DOCK1: variants seen among roughly 807,000 people sequenced by gnomAD.
DOCK1 encodes dedicator of cytokinesis protein 1.
Under a neutral mutation model 262.7 loss-of-function variants are expected in DOCK1, and 138 were observed. The ratio of observed to expected loss-of-function variants is 0.53; its 90% CI spans 0.46 to 0.61. The LOEUF (loss-of-function observed/expected upper bound fraction) is 0.61, where lower values mean the gene tolerates loss of function less well. Among genes scored for constraint, DOCK1 ranks in the 20% least tolerant of loss-of-function variants. DOCK1 has a pLI of 0.00. For missense variants in DOCK1, 1,908 were observed against 2,370.7 expected (o/e 0.80, Z 4.05); for synonymous variants, 866 against 867.4 (o/e 1.00, Z 0.03).
intron 4 of DOCK1, among the ~76,000 whole-genome samples, chr10:126,983,214 A>G (rs1477126301): frequency 2.0e-5 from 3 of 152,034 alleles, no homozygotes; most frequent in East Asian, 1.9e-4. Context: ...TGTTCTCCAC[A>G]CTGTTTTCCT....
rs145208679 is a variant in DOCK1 at position 127,444,079 on chromosome 10, A to T, written c.5260-47A>T. ...AGGAATTTAGGTGGAAACGCAACTC[A>T]GCCCATAACAGACCGTAACTGTGCT... is the stretch of plus-strand genomic sequence containing the variant. On this transcript the variant is annotated intron_variant, in intron 49 of 51. Coordinates refer to ENST00000623213, the MANE Select transcript of DOCK1 (RefSeq NM_001290223.2). The T allele has an allele frequency of 7.5e-3, 11,574 of 1,545,278 alleles. 53 individuals are homozygous for T. Among genetic ancestry groups the T allele is most frequent in the South Asian group, 9.8e-3 (821 of 83,526 alleles).
chr10:127,319,047 G>C (rs1361631819), intron 29 of DOCK1, among the ~76,000 whole-genome samples: 1 of 152,106 alleles, frequency 6.6e-6, no homozygotes, highest in Non-Finnish European at 1.5e-5. Flanking sequence ...CTGCCTCCTT[G>C]CCTCCTCTCT....
intron 29 of DOCK1, among the ~76,000 whole-genome samples, chr10:127,338,003 A>G (rs990631033): frequency 6.6e-6 from 1 of 152,172 alleles, no homozygotes; most frequent in Non-Finnish European, 1.5e-5. Flanking sequence ...CGGCTGTGAC[A>G]TGGCCAGGGC....
At chr10:127,361,992 T>C in intron 32 of DOCK1, 72 bp from the exon 33 acceptor site, 1 of 1,452,108 alleles carries the variant, frequency 6.9e-7, no homozygotes, top group Non-Finnish European at 9.2e-7. Flanking sequence ...TGTTGTGTTG[T>C]TTTATCCATT....
At chr10:127,424,138 C>A (rs866561970) in intron 46 of DOCK1, among the ~76,000 whole-genome samples, 11 of 152,194 alleles carry the variant, frequency 7.2e-5, no homozygotes, top group Non-Finnish European at 1.5e-5. Context: ...TATCTTCTTT[C>A]ATTTAGAATC....
At chr10:126,998,071 T>G (rs1472677070) in intron 7 of DOCK1, 21 bp from the exon 8 acceptor site, 1 of 1,613,326 alleles carries the variant, frequency 6.2e-7, no homozygotes, top group African/African-American at 1.3e-5. Context: ...GGGTTGACTT[T>G]CTGTTTCCTT....
At chr10:127,243,043 C>T (rs1433937726) in intron 27 of DOCK1, among the ~76,000 whole-genome samples, 2 of 152,118 alleles carry the variant, frequency 1.3e-5, no homozygotes, top group Non-Finnish European at 2.9e-5. Context: ...TCCCAGAGAG[C>T]AAATCTGTGC....
chr10:127,435,877 T>G (rs1346843021), intron 48 of DOCK1, among the ~76,000 whole-genome samples: 1 of 152,236 alleles, frequency 6.6e-6, no homozygotes, highest in Non-Finnish European at 1.5e-5. Context: ...AAGTTCATCC[T>G]GTAGGCAGTT....
At chr10:126,983,343 G>A (rs1013431951) in intron 4 of DOCK1, among the ~76,000 whole-genome samples, 33 of 152,054 alleles carry the variant, frequency 2.2e-4, no homozygotes, top group Admixed American at 2.0e-3. Flanking sequence ...TTTCCTCCAG[G>A]TTGTTGTAGA....
intron 27 of DOCK1, among the ~76,000 whole-genome samples, chr10:127,226,562 G>C (rs1355563518): frequency 6.6e-6 from 1 of 152,014 alleles, no homozygotes; most frequent in African/African-American, 2.4e-5. Context: ...GGCCAAAATG[G>C]TGAAACCCCA....
intron 14 of DOCK1, 102 bp downstream of exon 14, chr10:127,023,426 G>A: frequency 6.9e-7 from 1 of 1,459,476 alleles, no homozygotes; most frequent in Non-Finnish European, 9.2e-7. Flanking sequence ...GTGGGGCTTT[G>A]GAGTCCCGTT....
intron 12 of DOCK1, among the ~76,000 whole-genome samples, chr10:127,017,563 A>G (rs1182086827): frequency 2.0e-5 from 3 of 151,960 alleles, no homozygotes; most frequent in Admixed American, 6.6e-5. Context: ...ACACACATGC[A>G]CAGATACAGA....
chr10:127,199,744 A>G (rs972760283), intron 27 of DOCK1, among the ~76,000 whole-genome samples: 1 of 152,216 alleles, frequency 6.6e-6, no homozygotes, highest in African/African-American at 2.4e-5. Flanking sequence ...TGTCTCCTGC[A>G]CTAGTTGCTT....
chr10:126,957,462 C>T (rs1362262215), intron 1 of DOCK1, among the ~76,000 whole-genome samples: 1 of 152,160 alleles, frequency 6.6e-6, no homozygotes, highest in Non-Finnish European at 1.5e-5. Flanking sequence ...AATGTTCAAT[C>T]CAGCCTTATT....
chr10:127,273,047 A>G (rs141798312), intron 29 of DOCK1, among the ~76,000 whole-genome samples: 1,589 of 152,356 alleles, frequency 0.01, 39 homozygotes, highest in African/African-American at 0.036. Flanking sequence ...GGGTGGGGAC[A>G]CAGCCAAACC....
intron 27 of DOCK1, among the ~76,000 whole-genome samples, chr10:127,155,425 G>C (rs2052945289): frequency 1.3e-5 from 2 of 152,036 alleles, no homozygotes; most frequent in Admixed American, 1.3e-4. Context: ...TCATATTTCA[G>C]CCAGAATTGG....
At chr10:127,408,857 T>C (rs920794705) in intron 40 of DOCK1, among the ~76,000 whole-genome samples, 180 bp from the exon 41 acceptor site, 12 of 151,748 alleles carry the variant, frequency 7.9e-5, no homozygotes, top group African/African-American at 2.4e-4. Flanking sequence ...TTGATGACCA[T>C]GTGTTCTTGA....
At position 127,447,509 on chromosome 10, in the gene DOCK1, C is replaced by T; in HGVS notation, c.5529C>T (p.Gly1843=). The T allele has an allele frequency of 1.2e-6, 2 of 1,613,902 alleles. No homozygotes were observed. The highest frequency in any genetic ancestry group is 1.7e-6 in the Non-Finnish European group (2 of 1,179,848). Residue 1843 remains glycine, a synonymous_variant, in exon 51 of 52, where the codon GGC becomes GGT. Coordinates refer to ENST00000623213, the MANE Select transcript of DOCK1 (RefSeq NM_001290223.2). ...TGATGGAAAACCAGGACTTGCTGGG[C>T]TCGCCAACACCTCCACCTCCCCCTC... The part of the protein sequence containing the change: ...GNLMENQDLL[G]SPTPPPPPPH...
intron 18 of DOCK1, among the ~76,000 whole-genome samples, chr10:127,036,287 G>A (rs2135569200): frequency 6.6e-6 from 1 of 152,266 alleles, no homozygotes; most frequent in South Asian, 2.1e-4. Flanking sequence ...GTCTTCCACG[G>A]GATCTTTGGG....
Sources: allele counts gnomAD v4.1 joint callset (sites outside exome capture counted in the v4.1 genomes callset), GRCh38; gene constraint gnomAD v4.1.1; transcripts MANE v1.5; gene names NCBI Gene and HGNC (gene_info 2026-07-23, HGNC 2026-07-21).